Variants in DEFB119 observed in about 807,000 individuals in gnomAD.
The protein encoded by DEFB119 is defensin beta 119.
In DEFB119, 3 loss-of-function variants were observed where a neutral mutation model predicts 2.5. The ratio of observed to expected loss-of-function variants is 1.19; its 90% CI spans 0.54 to 3.07. The LOEUF (loss-of-function observed/expected upper bound fraction) is 3.07. Ranked by LOEUF, DEFB119 falls within the 30% of genes most tolerant of loss-of-function variation. The pLI is 0.03. For missense variants in DEFB119, 113 were observed against 101.1 expected, an observed-to-expected ratio of 1.12 and a Z score of -0.50; for synonymous variants, 29 against 33.7, an observed-to-expected ratio of 0.86 and a Z score of 0.48.
At chr20:31,384,458 G>C (rs1986615647) in intron 1 of DEFB119, among the ~76,000 whole-genome samples, 1 of 151,716 alleles carries the variant, frequency 6.6e-6, no homozygotes, top group African/African-American at 2.4e-5. Context: ...CAACTTTTAA[G>C]ATAAAAAAAA....
At chr20:31,383,712 A>G (rs956136300) in intron 1 of DEFB119, among the ~76,000 whole-genome samples, 1 of 151,458 alleles carries the variant, frequency 6.6e-6, no homozygotes, top group African/African-American at 2.4e-5. Flanking sequence ...GCATGGTGGC[A>G]GGCGCCTGTA....
chr20:31,387,025 C>G (rs1986732673), intron 1 of DEFB119, among the ~76,000 whole-genome samples: 2 of 152,004 alleles, frequency 1.3e-5, no homozygotes, highest in East Asian at 1.9e-4. Context: ...AGGCTGGTCT[C>G]AAACTACTGA....
chr20:31,383,339 T>A (rs976614103), intron 1 of DEFB119, among the ~76,000 whole-genome samples: 3 of 145,402 alleles, frequency 2.1e-5, no homozygotes, highest in Non-Finnish European at 4.5e-5. Flanking sequence ...AGGCCAGGAG[T>A]TCGAACAAGC....
intron 1 of DEFB119, chr20:31,388,995 G>A: frequency 1.2e-6 from 2 of 1,611,458 alleles, no homozygotes; most frequent in South Asian, 2.2e-5. Context: ...ATGAAATGTG[G>A]ACCCTAAGCA....
chr20:31,377,356 A>G lies in DEFB119; in HGVS notation c.145T>C (p.Cys49Arg). 1.2e-6 allele frequency: 2 copies of G among 1,614,176 alleles called. No individual in the cohort carries two copies. The highest frequency in any genetic ancestry group is 1.1e-5 in the South Asian group (1 of 91,082). ...AGGCAGCAGGACTGACAATTTCTGC[A>G]ATAGAGGTAGGGCTGTTCGTTCTTT... ...CKKNEQPYLY[C>R]RNCQSCCLQS... The change falls in exon 2 of 2, where the codon TGC (cysteine) becomes CGC (arginine). Residue 49 changes from cysteine to arginine, a missense_variant. By Grantham distance (180) the Cys-to-Arg change is radical. Transcript: ENST00000376321.
intron 1 of DEFB119, chr20:31,378,463 A>G (rs1986384389): frequency 6.2e-7 from 1 of 1,602,138 alleles, no homozygotes; most frequent in Admixed American, 1.7e-5. Flanking sequence ...AATAATATCA[A>G]AAACATCCGC....
At chr20:31,378,787 A>G (rs1486516421) in intron 1 of DEFB119, among the ~76,000 whole-genome samples, 2 of 152,200 alleles carry the variant, frequency 1.3e-5, no homozygotes, top group East Asian at 3.8e-4. Context: ...TATAAATTGA[A>G]GAGGAACAAC....
intron 1 of DEFB119, chr20:31,388,905 T>G: frequency 6.4e-5 from 85 of 1,336,082 alleles, no homozygotes; most frequent in Non-Finnish European, 7.5e-5. Flanking sequence ...CACCTCCCCC[T>G]GCCATCCCCC....
rs150735767 is a variant in DEFB119, at chr20:31,387,475, C to T, written c.61+2948G>A. ...CATAAAATATATCTATCCTCATTTA[C>T]GAGATAGCCCTTCATAATGACCTGA... On this transcript the variant is annotated intron_variant, in intron 1 of 1. Transcript: ENST00000376321. Among the ~76,000 whole-genome samples, 323 of 152,244 alleles carry T rather than the reference C, an allele frequency of 2.1e-3. 2 individuals carry two copies. Among genetic ancestry groups the T allele is most frequent in the African/African-American group, 7.4e-3 (309 of 41,536 alleles).
At chr20:31,382,587 C>T (rs1354066336) in intron 1 of DEFB119, among the ~76,000 whole-genome samples, 1 of 152,194 alleles carries the variant, frequency 6.6e-6, no homozygotes, top group African/African-American at 2.4e-5. Context: ...GCTAACCCTG[C>T]CAGCCAGAAC....
At chr20:31,383,197 T>C (rs1016329690) in intron 1 of DEFB119, among the ~76,000 whole-genome samples, 3 of 152,100 alleles carry the variant, frequency 2.0e-5, no homozygotes, top group Admixed American at 6.6e-5. Flanking sequence ...TGGGAGGTAA[T>C]TGAATCATGG....
At chr20:31,386,439 C>G (rs1482850736) in intron 1 of DEFB119, among the ~76,000 whole-genome samples, 1 of 151,900 alleles carries the variant, frequency 6.6e-6, no homozygotes, top group Non-Finnish European at 1.5e-5. Flanking sequence ...AACAGATGAA[C>G]GGATAAAGAA....
At chr20:31,389,501 C>T (rs1457140679) in intron 1 of DEFB119, among the ~76,000 whole-genome samples, 1 of 152,106 alleles carries the variant, frequency 6.6e-6, no homozygotes, top group Non-Finnish European at 1.5e-5. Context: ...CTTCCTACTC[C>T]TTACTTTGGA....
Position 31,390,443 on chromosome 20 carries a change from A to G in DEFB119, c.41T>C (p.Ile14Thr), listed in dbSNP as rs762715326. The change falls in exon 1 of 2, where the codon ATA becomes ACA. Residue 14 changes from isoleucine to threonine, a missense_variant. Ile to Thr is a moderately conservative substitution (Grantham distance 89). Coordinates refer to ENST00000376321, the MANE Select transcript of DEFB119 (RefSeq NM_153289.4). ...GTTACCTGATATCACTGGTTCTTCT[A>G]TGGCCAGAAGGATGGCAAGAAACAG... is the stretch of plus-strand genomic sequence containing the variant. The part of the protein sequence containing the change: ...LYLFLAILLA[I>T]EEPVISGKRH... 2.5e-6 allele frequency: 4 copies of G among 1,612,964 alleles called. No individual in the cohort carries two copies. The highest frequency in any genetic ancestry group is 2.2e-5 in the East Asian group (1 of 44,836).
chr20:31,377,495 G>A, intron 1 of DEFB119, 56 bp from the exon 2 acceptor site: 1 of 1,544,434 alleles, frequency 6.5e-7, no homozygotes, highest in Non-Finnish European at 8.8e-7. Flanking sequence ...ACATAAATCT[G>A]ATAAGTCGGG....
chr20:31,380,308 T>C (rs1161697468), intron 1 of DEFB119, among the ~76,000 whole-genome samples: 1 of 152,040 alleles, frequency 6.6e-6, no homozygotes, highest in Non-Finnish European at 1.5e-5. Flanking sequence ...CTATCTTGCC[T>C]GGGCTGGAGT....
At chr20:31,380,672 T>C (rs1174210080) in intron 1 of DEFB119, among the ~76,000 whole-genome samples, 1 of 152,128 alleles carries the variant, frequency 6.6e-6, no homozygotes, top group Non-Finnish European at 1.5e-5. Context: ...GCATCATGTG[T>C]CGAAAAGGAC....
chr20:31,382,267 C>T (rs1243686105), intron 1 of DEFB119, among the ~76,000 whole-genome samples: 1 of 152,024 alleles, frequency 6.6e-6, no homozygotes. Context: ...CAATAAATAA[C>T]CTAAGGGGCT....
Position 31,378,243 on chromosome 20 carries a change from G to A in DEFB119, c.62-804C>T, listed in dbSNP as rs181788984. On this transcript the variant is annotated intron_variant, in intron 1 of 1. Coordinates refer to ENST00000376321, the MANE Select transcript of DEFB119 (RefSeq NM_153289.4). ...CTTTCACCACCACACAGTAGTAACA[G>A]GGCCACCACTCCCTGAGATGTGACT... is the stretch of plus-strand genomic sequence containing the variant. 211 of 1,539,060 alleles carry A rather than the reference G, an allele frequency of 1.4e-4. No individual in the cohort carries two copies. In the African/African-American group the frequency reaches 2.6e-3, roughly 19 times the overall value.
Sources: allele counts gnomAD v4.1 joint callset (sites outside exome capture counted in the v4.1 genomes callset), GRCh38; gene constraint gnomAD v4.1.1; transcripts MANE v1.5; gene names NCBI Gene and HGNC (gene_info 2026-07-23, HGNC 2026-07-21).